The following RHBDF2 variants were observed in gnomAD, a reference collection of about 807,000 sequenced individuals.
RHBDF2 encodes the protein inactive rhomboid protein 2.
Under a neutral mutation model 95.2 loss-of-function variants are expected in RHBDF2, and 38 were observed. That is an observed-to-expected ratio of 0.40 (90% CI 0.31 to 0.52). The LOEUF (loss-of-function observed/expected upper bound fraction) is 0.52. RHBDF2 is among the 20% of genes least tolerant of loss of function. RHBDF2 has a pLI of 0.56. For synonymous variants in RHBDF2, 442 were observed against 462.0 expected (o/e 0.96, Z 0.55); for missense variants, 863 against 1,137.7 (o/e 0.76, Z 3.47).
In RHBDF2 at chr17:76,471,402, G is replaced by C. The variant is rs2073553791; in HGVS notation, c.*231C>G. On this transcript the variant is annotated 3_prime_UTR_variant, in exon 19 of 19. Transcript: ENST00000675367. ...TCAGAGAGGCAGGTGCCTTGGGTGT[G>C]CCTGAGCTTGGGTCAGGATCTCACA... is the stretch of plus-strand genomic sequence containing the variant. 1 of 545,034 alleles carries C rather than the reference G, an allele frequency of 1.8e-6. No individual in the cohort carries two copies. Among genetic ancestry groups the C allele is most frequent in the African/African-American group, 1.9e-5 (1 of 53,120 alleles). 33.8% of individuals were successfully genotyped at this position (545,034 alleles called of 1,614,324 possible). A position where few individuals can be genotyped will look rare whatever the true frequency, so the allele number is the denominator to read the frequency against.
chr17:76,480,726 C>A (rs1009227719), intron 3 of RHBDF2, among the ~76,000 whole-genome samples: 3 of 152,200 alleles, frequency 2.0e-5, no homozygotes, highest in South Asian at 4.1e-4. Flanking sequence ...AACTTTTCTC[C>A]GTCAAGGCCA....
intron 9 of RHBDF2, 136 bp downstream of exon 9, chr17:76,476,694 A>C: frequency 7.4e-7 from 1 of 1,347,028 alleles, no homozygotes; most frequent in South Asian, 1.5e-5. Flanking sequence ...TGCGCCTTCG[A>C]GCTTGTCACT....
intron 1 of RHBDF2, among the ~76,000 whole-genome samples, chr17:76,492,837 G>C (rs1567890814): frequency 6.6e-6 from 1 of 152,222 alleles, no homozygotes; most frequent in Non-Finnish European, 1.5e-5. Context: ...CCTGCGTGTG[G>C]CCAGAAATGG....
At chr17:76,479,704 G>T (rs375680144) in intron 4 of RHBDF2, 29 bp downstream of exon 4, 11 of 1,554,590 alleles carry the variant, frequency 7.1e-6, no homozygotes, top group Admixed American at 3.4e-5. Context: ...TGGGTGGGGG[G>T]TGCTGGGCTT....
chr17:76,498,657 C>T (rs1190833317), intron 1 of RHBDF2, among the ~76,000 whole-genome samples: 1 of 152,186 alleles, frequency 6.6e-6, no homozygotes, highest in African/African-American at 2.4e-5. Context: ...GAGCTGAGGC[C>T]ACAGGAAAAA....
intron 1 of RHBDF2, among the ~76,000 whole-genome samples, chr17:76,495,903 T>C (rs1432829396): frequency 6.6e-6 from 1 of 152,154 alleles, no homozygotes; most frequent in Non-Finnish European, 1.5e-5. Context: ...CTAGCCCCAG[T>C]GACTGCCAGG....
chr17:76,472,029 G>A lies in RHBDF2; in HGVS notation c.2088C>T (p.Phe696=), dbSNP rs202160090. 1.4e-5 allele frequency: 22 copies of A among 1,569,466 alleles called. No homozygotes were observed. The highest frequency in any genetic ancestry group is 1.7e-4 in the Middle Eastern group (1 of 5,922). The change falls in exon 19 of 19, where the codon TTC becomes TTT. Residue 696 remains phenylalanine, a synonymous_variant. Transcript: ENST00000675367. ...CCACGAAGAGGCAGGCGAGGAGGCC[G>A]AACTGTGAGCCGGCCGGGCCCACCT... The part of the protein sequence containing the change: ...RAEVGPAGSQ[F]GLLACLFVEL...
At chr17:76,475,592 T>C (rs917892641) in intron 9 of RHBDF2, among the ~76,000 whole-genome samples, 3 of 151,856 alleles carry the variant, frequency 2.0e-5, no homozygotes, top group Admixed American at 6.6e-5. Context: ...CTTTTCTTTT[T>C]TTTTTTTTGA....
intron 1 of RHBDF2, among the ~76,000 whole-genome samples, chr17:76,490,229 C>T (rs2074261738): frequency 6.6e-6 from 1 of 152,170 alleles, no homozygotes; most frequent in Non-Finnish European, 1.5e-5. Context: ...TAAGGCTAGT[C>T]CAGCAGCGCT....
Position 76,471,328 on chromosome 17 carries a change from G to A in RHBDF2, c.*305C>T. On this transcript the variant is annotated 3_prime_UTR_variant, in exon 19 of 19. Coordinates refer to ENST00000675367, the MANE Select transcript of RHBDF2 (RefSeq NM_001005498.4). Reference sequence around the variant, plus strand: ...CTGGGAAGAAAAGGACCCTGCCCCAGGAGATGGTCTCAGCAAGGAGCGGGA... The same window carrying A: ...CTGGGAAGAAAAGGACCCTGCCCCAAGAGATGGTCTCAGCAAGGAGCGGGA... The A allele has an allele frequency of 2.8e-6, 1 of 358,018 alleles. No homozygotes were observed. Among genetic ancestry groups the A allele is most frequent in the Non-Finnish European group, 5.1e-6 (1 of 196,720 alleles). 22.2% of individuals were successfully genotyped at this position (358,018 alleles called of 1,614,324 possible).
In RHBDF2 at chr17:76,471,941, T is replaced by C. The variant is rs749771429; in HGVS notation, c.2176A>G (p.Ile726Val). 1.2e-5 allele frequency: 19 copies of C among 1,571,410 alleles called. No individual in the cohort carries two copies. Among genetic ancestry groups the C allele is most frequent in the Non-Finnish European group, 1.5e-5 (17 of 1,158,192 alleles). ...PWKAFLNLSAIVLFLFICGLL... is the reference protein window; with the variant it reads ...PWKAFLNLSAVVLFLFICGLL... Reference sequence around the variant, plus strand: ...CCACAGATGAACAGGAAGAGCACGATGGCCGAGAGGTTGAGGAAGGCCTTC... The same window carrying C: ...CCACAGATGAACAGGAAGAGCACGACGGCCGAGAGGTTGAGGAAGGCCTTC... Residue 726 changes from isoleucine to valine, a missense_variant, in exon 19 of 19, where the codon ATC becomes GTC. Transcript: ENST00000675367.
At chr17:76,477,398 T>A (rs2073808495) in intron 7 of RHBDF2, 100 bp from the exon 8 acceptor site, 1 of 1,401,660 alleles carries the variant, frequency 7.1e-7, no homozygotes, top group Non-Finnish European at 9.7e-7. Flanking sequence ...ACAGACGGGC[T>A]CTTCACAATG....
intron 1 of RHBDF2, among the ~76,000 whole-genome samples, chr17:76,491,221 C>T (rs960057051): frequency 6.6e-6 from 1 of 151,986 alleles, no homozygotes; most frequent in Non-Finnish European, 1.5e-5. Flanking sequence ...CTAGACTCCC[C>T]ACCTAGCTCC....
At chr17:76,496,409 C>T (rs183308881) in intron 1 of RHBDF2, among the ~76,000 whole-genome samples, 10 of 152,314 alleles carry the variant, frequency 6.6e-5, no homozygotes, top group Non-Finnish European at 1.5e-4. Flanking sequence ...GCCAGGGTCC[C>T]GCGCTCTTAA....
In RHBDF2 at chr17:76,473,963, G is replaced by T. The variant is rs369754854; in HGVS notation, c.1575-61C>A. The T allele has an allele frequency of 4.0e-4, 635 of 1,594,652 alleles. 1 individual carries two copies. In the African/African-American group the frequency reaches 7.5e-3, roughly 19 times the overall value. On this transcript the variant is annotated intron_variant, in intron 13 of 18. Transcript: ENST00000675367. ...CAGCGTGCCACGTCCACCTACCCAC[G>T]TCCCTGTGGGTGGCTCAGATGGCAT...
Position 76,481,500 on chromosome 17 carries a change from C to T in RHBDF2, c.25G>A (p.Gly9Arg), listed in dbSNP as rs138667763. The part of the protein sequence containing the change: MASADKNG[G>R]SVSSVSSSRL... ...CTGCTGGACACAGAGGACACGCTCC[C>T]GCCATTCTTGTCAGCAGAGGCCATT... Residue 9 changes from glycine (G) to arginine (R), a missense_variant, in exon 3 of 19, where the codon GGG becomes AGG. Around this residue, in one of 2 missense-constraint regions of RHBDF2, gnomAD observed 611 missense variants for 725.5 expected, o/e 0.84. Transcript: ENST00000675367. The T allele has an allele frequency of 1.3e-4, 207 of 1,610,792 alleles. No individual in the cohort carries two copies. Among genetic ancestry groups the T allele is most frequent in the East Asian group, 4.2e-4 (19 of 44,860 alleles).
At chr17:76,499,561 C>T (rs1037451629) in intron 1 of RHBDF2, among the ~76,000 whole-genome samples, 6 of 152,210 alleles carry the variant, frequency 3.9e-5, no homozygotes, top group Admixed American at 3.9e-4. Flanking sequence ...CTCCAGGGCT[C>T]GTCAGCTAAC....
chr17:76,485,891 A>C (rs1354645011), intron 2 of RHBDF2, among the ~76,000 whole-genome samples: 1 of 152,124 alleles, frequency 6.6e-6, no homozygotes, highest in Non-Finnish European at 1.5e-5. Context: ...GAGTCCATTC[A>C]TATGAAAGCT....
chr17:76,486,483 C>T (rs535169214), intron 2 of RHBDF2, among the ~76,000 whole-genome samples: 122 of 152,208 alleles, frequency 8.0e-4, no homozygotes, highest in African/African-American at 2.9e-3. Context: ...GAGACTGAGG[C>T]AGGAAGATCA....
Sources: allele counts gnomAD v4.1 joint callset (sites outside exome capture counted in the v4.1 genomes callset), GRCh38; gene constraint gnomAD v4.1.1; regional missense constraint gnomAD v4.1.1; transcripts MANE v1.5; gene names NCBI Gene and HGNC (gene_info 2026-07-23, HGNC 2026-07-21).